Variants in SYT1 observed in about 807,000 individuals in gnomAD.
SYT1 encodes the protein synaptotagmin 1.
In SYT1, 8 loss-of-function variants were observed where a neutral mutation model predicts 44.8. That is an observed-to-expected ratio of 0.18 (90% CI 0.10 to 0.32). The LOEUF is 0.32. Among genes scored for constraint, SYT1 ranks in the 10% least tolerant of loss-of-function variants. The pLI, the probability that SYT1 is intolerant of heterozygous loss-of-function variation, is 1.00. For synonymous variants in SYT1, 154 were observed against 188.8 expected, an observed-to-expected ratio of 0.82 and a Z score of 1.51; for missense variants, 286 against 509.3, an observed-to-expected ratio of 0.56 and a Z score of 4.22.
At chr12:79,132,077 CTT>C (rs1425797129) in intron 3 of SYT1, among the ~76,000 whole-genome samples, 1 of 152,118 alleles carries the variant, frequency 6.6e-6, no homozygotes. Flanking sequence ...TTATTAAAGA[CTT>C]TGTTACAACT....
chr12:79,221,503 C>T (rs1413908913), intron 4 of SYT1, among the ~76,000 whole-genome samples: 1 of 151,994 alleles, frequency 6.6e-6, no homozygotes, highest in African/African-American at 2.4e-5. Context: ...GCTGTCTTCC[C>T]TTGTGGCTAA....
In SYT1 at chr12:79,449,154, C is replaced by G. The variant is rs771304546; in HGVS notation, c.*30C>G. ...AAGAAGAAGCCTTTCTGCATTTGCC[C>G]ATATAGTGCTCTTTAGCCAGTATCT... On this transcript the variant is annotated 3_prime_UTR_variant, in exon 11 of 11. Coordinates refer to ENST00000261205, the MANE Select transcript of SYT1 (RefSeq NM_005639.3). 41 of 1,569,562 alleles carry G rather than the reference C, an allele frequency of 2.6e-5. No individual in the cohort carries two copies. The highest frequency in any genetic ancestry group is 3.4e-5 in the Non-Finnish European group (39 of 1,156,262).
intron 4 of SYT1, among the ~76,000 whole-genome samples, chr12:79,274,404 G>A (rs1878600496): frequency 6.6e-6 from 1 of 152,210 alleles, no homozygotes; most frequent in African/African-American, 2.4e-5. Context: ...TCAGGGGCAT[G>A]AGAGCTGAGT....
At chr12:79,019,710 T>A (rs908610808) in intron 2 of SYT1, among the ~76,000 whole-genome samples, 1 of 151,976 alleles carries the variant, frequency 6.6e-6, no homozygotes, top group Non-Finnish European at 1.5e-5. Flanking sequence ...TTATTTATTT[T>A]ACTAAACTCC....
intron 3 of SYT1, among the ~76,000 whole-genome samples, chr12:79,121,713 A>G (rs1879609203): frequency 6.6e-6 from 1 of 152,334 alleles, no homozygotes; most frequent in Admixed American, 6.5e-5. Context: ...GCTAATAGAC[A>G]GGAAATTTTC....
At chr12:78,991,895 G>C (rs1870045805) in intron 2 of SYT1, among the ~76,000 whole-genome samples, 1 of 152,148 alleles carries the variant, frequency 6.6e-6, no homozygotes, top group South Asian at 2.1e-4. Context: ...AAAAAAGACT[G>C]ATCATTTTGT....
At chr12:79,252,659 G>A (rs1045749351) in intron 4 of SYT1, among the ~76,000 whole-genome samples, 2 of 152,094 alleles carry the variant, frequency 1.3e-5, no homozygotes, top group African/African-American at 4.8e-5. Context: ...AGGTCTCTAA[G>A]TGACTGCAAT....
rs942402115 is a variant in SYT1 at position 79,368,054 on chromosome 12, C to G, written c.928+14435C>G. ...TATCTCCTAAAGCTATCCCTCCCCC[C>G]ACCCCACAACAGTCCCCAGAGTGTG... On this transcript the variant is annotated intron_variant, in intron 9 of 10. Transcript: ENST00000261205. 1.1e-4 allele frequency among the ~76,000 whole-genome samples: 13 copies of G among 118,906 alleles called. 1 individual carries two copies. In the South Asian group the frequency reaches 1.3e-3, roughly 12 times the overall value. The allele number at this position is 118,906 out of a possible 152,430, so 78.0% of individuals were successfully genotyped here.
chr12:78,931,236 AAAGAAGGAAGGAAGGAAGGAAGG>A (rs1877665472), intron 1 of SYT1, among the ~76,000 whole-genome samples: 2 of 58,700 alleles, frequency 3.4e-5, no homozygotes, highest in African/African-American at 2.0e-4. Flanking sequence ...AGAAAGAAAG[AAAGAAGGAAGGAAGGAAGGAAGG>A]AAGGAAGGAA....
intron 1 of SYT1, among the ~76,000 whole-genome samples, chr12:78,911,464 G>A (rs1459158254): frequency 2.0e-5 from 3 of 151,634 alleles, no homozygotes; most frequent in Non-Finnish European, 1.5e-5. Flanking sequence ...CTATGTACAC[G>A]AGAATAAGCC....
At chr12:79,280,970 G>A (rs904341931) in intron 4 of SYT1, among the ~76,000 whole-genome samples, 2 of 146,686 alleles carry the variant, frequency 1.4e-5, no homozygotes. Context: ...AGTCAGAATG[G>A]CCATTAATAA....
chr12:79,432,650 G>T (rs1267107050), intron 9 of SYT1, among the ~76,000 whole-genome samples: 1 of 152,024 alleles, frequency 6.6e-6, no homozygotes, highest in Non-Finnish European at 1.5e-5. Flanking sequence ...GTCTTGTTCT[G>T]TCACCCAGGC....
chr12:78,874,480 A>G (rs766859364), intron 1 of SYT1, among the ~76,000 whole-genome samples: 1 of 151,626 alleles, frequency 6.6e-6, no homozygotes, highest in Non-Finnish European at 1.5e-5. Flanking sequence ...CAACTCTGGA[A>G]TGGTGAACTT....
intron 9 of SYT1, among the ~76,000 whole-genome samples, chr12:79,356,798 A>G (rs1024908589): frequency 5.3e-5 from 8 of 152,182 alleles, no homozygotes; most frequent in Non-Finnish European, 7.4e-5. Context: ...TGATGATGCT[A>G]TGAGAAATAA....
intron 3 of SYT1, among the ~76,000 whole-genome samples, chr12:79,162,261 G>A (rs1870993494): frequency 6.6e-6 from 1 of 152,050 alleles, no homozygotes; most frequent in Non-Finnish European, 1.5e-5. Context: ...TGTAAGGGAA[G>A]GTGGAAACTT....
intron 3 of SYT1, among the ~76,000 whole-genome samples, chr12:79,068,321 A>T (rs1392845618): frequency 6.6e-6 from 1 of 152,182 alleles, no homozygotes; most frequent in Non-Finnish European, 1.5e-5. Context: ...GGTCATAATT[A>T]TTCAGAAGCA....
chr12:78,941,293 C>T (rs1436780148), intron 1 of SYT1, among the ~76,000 whole-genome samples: 2 of 150,940 alleles, frequency 1.3e-5, no homozygotes, highest in African/African-American at 4.9e-5. Flanking sequence ...AGGATGGTCT[C>T]GATCTCCTGA....
intron 3 of SYT1, among the ~76,000 whole-genome samples, chr12:79,201,184 G>A (rs925840218): frequency 4.6e-5 from 7 of 152,086 alleles, no homozygotes; most frequent in Admixed American, 3.9e-4. Flanking sequence ...GTATTTTTTG[G>A]AAGTTGGGGC....
intron 3 of SYT1, among the ~76,000 whole-genome samples, chr12:79,167,283 C>T (rs1871274766): frequency 6.6e-6 from 1 of 151,934 alleles, no homozygotes; most frequent in South Asian, 2.1e-4. Context: ...AGGAAATAAA[C>T]CCAAAACTAA....
Sources: gnomAD v4.1 joint callset for allele counts (sites outside exome capture counted in the v4.1 genomes callset) on GRCh38, gnomAD v4.1.1 for gene constraint, MANE v1.5 for transcripts, NCBI Gene and HGNC (gene_info 2026-07-23, HGNC 2026-07-21) for gene names.